Variants in VAV2 observed in about 807,000 individuals in gnomAD.
VAV2 encodes guanine nucleotide exchange factor VAV2.
Under a neutral mutation model 132.5 loss-of-function variants are expected in VAV2, and 67 were observed. The ratio of observed to expected loss-of-function variants is 0.51; its 90% confidence interval spans 0.42 to 0.62. The LOEUF (loss-of-function observed/expected upper bound fraction) is 0.62. Ranked by LOEUF, VAV2 falls within the 20% of genes least tolerant of loss-of-function variation. The pLI, the probability that VAV2 is intolerant of heterozygous loss-of-function variation, is 0.00. For missense variants in VAV2, 938 were observed against 1,153.6 expected, an observed-to-expected ratio of 0.81 and a Z score of 2.71; for synonymous variants, 492 against 443.5, an observed-to-expected ratio of 1.11 and a Z score of -1.37.
At position 133,912,286 on chromosome 9, in the gene VAV2, G is replaced by A. The variant is rs1353849912; in HGVS notation, c.321+26817C>T. 1.3e-5 allele frequency among the ~76,000 whole-genome samples: 2 copies of A among 152,184 alleles called. No homozygotes were observed. Among genetic ancestry groups the A allele is most frequent in the Non-Finnish European group, 2.9e-5 (2 of 68,046 alleles). ...ACGGCATCAGGACACCGTCACCGGA[G>A]GATGGTCCAAGAAGGCGGGAAGGCC... On this transcript the variant is annotated intron_variant, in intron 2 of 29. Coordinates refer to ENST00000371850, the MANE Select transcript of VAV2 (RefSeq NM_001134398.2). The surrounding 1 kb of genome is among the most constrained non-coding windows in gnomAD (Gnocchi z 4.3).
intron 1 of VAV2, among the ~76,000 whole-genome samples, chr9:133,962,003 C>A (rs187026850): frequency 1.1e-3 from 170 of 152,306 alleles, no homozygotes; most frequent in Non-Finnish European, 2.0e-3. Context: ...TCAGCCACCA[C>A]CATCCCCACC....
In VAV2 at chr9:133,959,287, C is replaced by G. The variant is rs1401244774; in HGVS notation, c.205-20068G>C. ...CTGCACGGAAGCCACAAGAGAGGCA[C>G]AGCTGGGAGGCACAGACCCAGGCCC... On this transcript the variant is annotated intron_variant, in intron 1 of 29. Coordinates refer to ENST00000371850, the MANE Select transcript of VAV2 (RefSeq NM_001134398.2). Among the ~76,000 whole-genome samples the G allele has an allele frequency of 2.0e-5, 3 of 152,316 alleles. No homozygotes were observed. The East Asian group carries it at 5.8e-4, about 29-fold the overall frequency.
intron 29 of VAV2, among the ~76,000 whole-genome samples, chr9:133,765,151 T>C (rs1217469492): frequency 2.6e-5 from 4 of 152,162 alleles, no homozygotes; most frequent in Admixed American, 2.6e-4. Context: ...AAAATCACTA[T>C]TTTTCAGCCA....
In VAV2 at chr9:133,769,644, G is replaced by T; in HGVS notation, c.2348-141C>A. 1 of 883,274 alleles carries T rather than the reference G, an allele frequency of 1.1e-6. No homozygotes were observed. The highest frequency in any genetic ancestry group is 1.7e-6 in the Non-Finnish European group (1 of 577,430). The allele number at this position is 883,274 out of a possible 1,614,324, so 54.7% of individuals were successfully genotyped here. On this transcript the variant is annotated intron_variant, in intron 27 of 29. Transcript: ENST00000371850. The surrounding 1 kb of genome is among the most constrained non-coding windows in gnomAD (Gnocchi z 8.1). The stretch of plus-strand genomic sequence containing the variant: ...GCCCTACAGGGGGGCAAAGGAGGCA[G>T]GGGGCAGCACGGGTTGTCAAGCCCC...
chr9:133,873,996 T>G (rs1011033758), intron 2 of VAV2, among the ~76,000 whole-genome samples: 4 of 152,058 alleles, frequency 2.6e-5, no homozygotes, highest in African/African-American at 9.7e-5. Context: ...TTATTTCATT[T>G]TATTCCCTCA....
In VAV2 at chr9:133,780,874, C is replaced by T. The variant is rs141316211; in HGVS notation, c.1724-164G>A. 4.9e-4 allele frequency among the ~76,000 whole-genome samples: 74 copies of T among 152,366 alleles called. 1 individual carries two copies. In the East Asian group the frequency reaches 0.013, roughly 27 times the overall value. On this transcript the variant is annotated intron_variant, in intron 19 of 29. Transcript: ENST00000371850. Reference sequence around the variant, plus strand: ...GACATGGATCATGGACACACAGGTCCGAGCTCATGGCTGTGAAAGCCTCTC... The same window carrying T: ...GACATGGATCATGGACACACAGGTCTGAGCTCATGGCTGTGAAAGCCTCTC...
chr9:133,779,106 T>C (rs1833916072), intron 21 of VAV2, among the ~76,000 whole-genome samples: 1 of 152,288 alleles, frequency 6.6e-6, no homozygotes. Flanking sequence ...GGGGTCATCA[T>C]GGAACAGCAA....
Position 133,783,569 on chromosome 9 carries a change from T to A in VAV2, c.1657A>T (p.Met553Leu). 6.2e-7 allele frequency: 1 copy of A among 1,613,982 alleles called. No individual in the cohort carries two copies. The highest frequency in any genetic ancestry group is 8.5e-7 in the Non-Finnish European group (1 of 1,179,956). Reference sequence around the variant, plus strand: ...GCCCCGACGCCACACTTGGTACACATGTATCCCTGGTAGAAGGTGCCCCTG... The same window carrying A: ...GCCCCGACGCCACACTTGGTACACAAGTATCCCTGGTAGAAGGTGCCCCTG... ...FLRGTFYQGY[M>L]CTKCGVGAHK... is the part of the protein sequence containing the mutation. Residue 553 changes from methionine (M) to leucine (L), a missense_variant, in exon 19 of 30, where the codon ATG becomes TTG. Coordinates refer to ENST00000371850, the MANE Select transcript of VAV2 (RefSeq NM_001134398.2).
rs1254613209 is a variant in VAV2, at chr9:133,807,447, C to A, written c.667-121G>T. 4 of 955,940 alleles carry A rather than the reference C, an allele frequency of 4.2e-6. No homozygotes were observed. In the South Asian group the frequency reaches 7.4e-5, roughly 18 times the overall value. 59.2% of individuals were successfully genotyped at this position (955,940 alleles called of 1,614,324 possible). On this transcript the variant is annotated intron_variant, in intron 7 of 29. Coordinates refer to ENST00000371850, the MANE Select transcript of VAV2 (RefSeq NM_001134398.2). ...CAGGCACTGGGGTGCTCCATGCTTACTGGGGTAGCCTGTGTTCTGGCCACA... is the reference window on the plus strand; with the variant it reads ...CAGGCACTGGGGTGCTCCATGCTTAATGGGGTAGCCTGTGTTCTGGCCACA...
chr9:133,921,186 C>A (rs965117670), intron 2 of VAV2, among the ~76,000 whole-genome samples: 5 of 152,198 alleles, frequency 3.3e-5, no homozygotes, highest in African/African-American at 9.7e-5. Context: ...GTCTCAGACA[C>A]CAGAGAGTCC....
chr9:133,885,836 G>A lies in VAV2; in HGVS notation c.322-24404C>T, dbSNP rs1380650060. 6.6e-6 allele frequency among the ~76,000 whole-genome samples: 1 copy of A among 152,292 alleles called. No homozygotes were observed. Among genetic ancestry groups the A allele is most frequent in the South Asian group, 2.1e-4 (1 of 4,828 alleles). ...CACCCACTTACCCTTGGGCTGGAAG[G>A]AACCACAGGCGCCACTGGGACGGCC... is the stretch of plus-strand genomic sequence containing the variant. On this transcript the variant is annotated intron_variant, in intron 2 of 29. Transcript: ENST00000371850. This position sits in a 1 kb window ranked among gnomAD's most constrained non-coding sequence, Gnocchi z 5.0.
At chr9:133,973,404 A>C (rs1214257388) in intron 1 of VAV2, among the ~76,000 whole-genome samples, 1 of 152,086 alleles carries the variant, frequency 6.6e-6, no homozygotes, top group East Asian at 1.9e-4. Context: ...CCTCCCTCCC[A>C]TGACCCCCGG....
At chr9:133,950,209 G>A (rs531976782) in intron 1 of VAV2, among the ~76,000 whole-genome samples, 8 of 152,260 alleles carry the variant, frequency 5.3e-5, no homozygotes, top group South Asian at 4.1e-4. Flanking sequence ...CCATCCTGAC[G>A]GTCAAGTCCT....
intron 4 of VAV2, among the ~76,000 whole-genome samples, chr9:133,814,153 G>A (rs1438247928): frequency 1.3e-5 from 2 of 152,358 alleles, no homozygotes; most frequent in East Asian, 3.9e-4. Context: ...ATGAAGGCAG[G>A]AAGGGTGTTT....
intron 2 of VAV2, among the ~76,000 whole-genome samples, chr9:133,905,430 T>A (rs1256512037): frequency 3.3e-5 from 1 of 30,068 alleles, no homozygotes; most frequent in South Asian, 1.9e-3. Flanking sequence ...AGTGAAACTG[T>A]CTCAAAAAAA....
At position 133,918,539 on chromosome 9, in the gene VAV2, C is replaced by G. The variant is rs1266719139; in HGVS notation, c.321+20564G>C. Among the ~76,000 whole-genome samples, 3 of 149,324 alleles carry G rather than the reference C, an allele frequency of 2.0e-5. No individual in the cohort carries two copies. The East Asian group carries it at 6.1e-4, about 30-fold the overall frequency. On this transcript the variant is annotated intron_variant, in intron 2 of 29. Transcript: ENST00000371850. The surrounding 1 kb of genome is among the most constrained non-coding windows in gnomAD (Gnocchi z 4.7). The stretch of plus-strand genomic sequence containing the variant: ...AGTGCCAGGACAGTGCCAAGTCCTT[C>G]ACGGCAGCTCATTCGTTCCTGCCTC...
rs758798561 is a variant in VAV2, at chr9:133,772,041, T to A, written c.2141A>T (p.Asn714Ile). The change falls in exon 26 of 30, where the codon AAT becomes ATT. Residue 714 changes from asparagine (N) to isoleucine (I), a missense_variant. Transcript: ENST00000371850. Reference protein sequence around the residue: ...AERFAISIKFNDEVKHIKVVE... With the variant: ...AERFAISIKFIDEVKHIKVVE... The stretch of plus-strand genomic sequence containing the variant: ...CACCTTGATGTGCTTCACCTCATCA[T>A]TGAACCTGAGCAAACACACGGCCCC... 6.2e-6 allele frequency: 10 copies of A among 1,613,964 alleles called. No homozygotes were observed. The South Asian group carries it at 1.1e-4, about 18-fold the overall frequency.
rs1299289062 is a variant in VAV2, at chr9:133,802,037, G to A, written c.836+4044C>T. ...ACTCACACAGACGCCTTCACCCTCC[G>A]TCCACACCACAGGACTCTGAGCACC... On this transcript the variant is annotated intron_variant, in intron 9 of 29. Transcript: ENST00000371850. This position sits in a 1 kb window ranked among gnomAD's most constrained non-coding sequence, Gnocchi z 5.8. 6.6e-6 allele frequency among the ~76,000 whole-genome samples: 1 copy of A among 151,830 alleles called. No individual in the cohort carries two copies.
At chr9:133,938,583 AC>A (rs1841012873) in intron 2 of VAV2, among the ~76,000 whole-genome samples, 1 of 151,624 alleles carries the variant, frequency 6.6e-6, no homozygotes, top group Admixed American at 6.6e-5. Flanking sequence ...ACTGGAGAAT[AC>A]CCCCTCTTTG....
Sources: allele counts gnomAD v4.1 joint callset (sites outside exome capture counted in the v4.1 genomes callset), GRCh38; gene constraint gnomAD v4.1.1; non-coding constraint Gnocchi (gnomAD v3.1); transcripts MANE v1.5; gene names NCBI Gene and HGNC (gene_info 2026-07-23, HGNC 2026-07-21).